SRGN: variants seen among roughly 807,000 people sequenced by gnomAD.
The protein encoded by SRGN is serglycin.
Under a neutral mutation model 9.5 loss-of-function variants are expected in SRGN, and 2 were observed. The ratio of observed to expected loss-of-function variants is 0.21; its 90% CI spans 0.09 to 0.66. The LOEUF is 0.66. SRGN is among the 30% of genes least tolerant of loss of function. The probability of loss-of-function intolerance (pLI) is 0.83; values close to 1 mark genes in which losing one functional copy is unlikely to be tolerated. For missense variants in SRGN, 170 were observed against 192.4 expected (o/e 0.88, Z 0.69); for synonymous variants, 59 against 72.3 (o/e 0.82, Z 0.93).
chr10:69,098,080 A>G (rs1357109387), intron 2 of SRGN, among the ~76,000 whole-genome samples: 1 of 152,070 alleles, frequency 6.6e-6, no homozygotes, highest in Non-Finnish European at 1.5e-5. Flanking sequence ...TTTTTTGTGG[A>G]TGGTAGAGAG....
Position 69,096,943 on chromosome 10 carries a change from A to G in SRGN, c.80-141A>G. 3 of 682,476 alleles carry G rather than the reference A, an allele frequency of 4.4e-6. No homozygotes were observed. The South Asian group carries it at 9.1e-5, about 21-fold the overall frequency. 42.3% of individuals were successfully genotyped at this position (682,476 alleles called of 1,614,324 possible). A position where few individuals can be genotyped will look rare whatever the true frequency, so the allele number is the denominator to read the frequency against. On this transcript the variant is annotated intron_variant, in intron 1 of 2. Transcript: ENST00000242465. ...CAGGAGTTCAAGGTTGCAGTGAGCTATGATCACAGTACTGCACTCCAGCTT... is the reference window on the plus strand; with the variant it reads ...CAGGAGTTCAAGGTTGCAGTGAGCTGTGATCACAGTACTGCACTCCAGCTT...
intron 2 of SRGN, 66 bp from the exon 3 acceptor site, chr10:69,103,805 T>C (rs1236638878): frequency 6.5e-7 from 1 of 1,537,380 alleles, no homozygotes; most frequent in East Asian, 2.3e-5. Context: ...AAAAAAACTA[T>C]TATAATTATC....
rs765360321 is a variant in SRGN, at chr10:69,104,016, G to A, written c.373G>A (p.Glu125Lys). ...EMEQDYQLVD[E>K]SDAFHDNLRS... ...GGAACAGGATTACCAACTAGTAGAC[G>A]AAAGTGATGCTTTCCATGACAACCT... is the stretch of plus-strand genomic sequence containing the variant. Residue 125 changes from glutamate to lysine, a missense_variant, in exon 3 of 3, where the codon GAA becomes AAA. By Grantham distance (56) the Glu-to-Lys change is moderately conservative. Coordinates refer to ENST00000242465, the MANE Select transcript of SRGN (RefSeq NM_002727.4). 4.5e-5 allele frequency: 72 copies of A among 1,614,100 alleles called. No individual in the cohort carries two copies. The highest frequency in any genetic ancestry group is 1.9e-4 in the South Asian group (17 of 91,090).
Position 69,097,110 on chromosome 10 carries a change from C to G in SRGN, c.106C>G (p.Gln36Glu). Residue 36 changes from glutamine (Q) to glutamate (E), a missense_variant, in exon 2 of 3, where the codon CAA becomes GAA. Physicochemically the swap from Gln to Glu is conservative, Grantham distance 29 (BLOSUM62 2). Coordinates refer to ENST00000242465, the MANE Select transcript of SRGN (RefSeq NM_002727.4). ...TTATCCTACGCGGAGAGCCAGGTAC[C>G]AATGGGTGCGCTGCAATCCAGACAG... The part of the protein sequence containing the change: ...QGYPTRRARY[Q>E]WVRCNPDSNS... 6.2e-7 allele frequency: 1 copy of G among 1,614,040 alleles called. No homozygotes were observed. Among genetic ancestry groups the G allele is most frequent in the South Asian group, 1.1e-5 (1 of 91,078 alleles).
At chr10:69,103,021 C>T (rs942291643) in intron 2 of SRGN, among the ~76,000 whole-genome samples, 2 of 151,922 alleles carry the variant, frequency 1.3e-5, no homozygotes, top group African/African-American at 4.8e-5. Flanking sequence ...CTCACTGCAA[C>T]CTCCGCCTCC....
At chr10:69,101,863 C>T (rs1188211480) in intron 2 of SRGN, among the ~76,000 whole-genome samples, 1 of 152,124 alleles carries the variant, frequency 6.6e-6, no homozygotes, top group Non-Finnish European at 1.5e-5. Flanking sequence ...CCTGCCTGGG[C>T]AACATAGTGA....
chr10:69,101,102 C>T (rs967947059), intron 2 of SRGN, among the ~76,000 whole-genome samples: 1 of 151,638 alleles, frequency 6.6e-6, no homozygotes, highest in African/African-American at 2.4e-5. Flanking sequence ...CCTGCCTCAG[C>T]CTCCAGGGTG....
intron 2 of SRGN, 76 bp from the exon 3 acceptor site, chr10:69,103,794 TA>T (rs983536324): frequency 2.0e-6 from 3 of 1,486,914 alleles, no homozygotes; most frequent in African/African-American, 1.4e-5. Context: ...CTCCTTATAT[TA>T]AAAAAACTAT....
intron 2 of SRGN, among the ~76,000 whole-genome samples, chr10:69,102,405 A>G (rs1840312443): frequency 6.6e-6 from 1 of 152,170 alleles, no homozygotes; most frequent in African/African-American, 2.4e-5. Flanking sequence ...TGTCTTCCCC[A>G]CTAAAATAAA....
chr10:69,092,628 T>C (rs1840087637), intron 1 of SRGN, among the ~76,000 whole-genome samples: 1 of 152,098 alleles, frequency 6.6e-6, no homozygotes, highest in Non-Finnish European at 1.5e-5. Flanking sequence ...AACTTGTCTC[T>C]ACTAAAAATA....
intron 2 of SRGN, among the ~76,000 whole-genome samples, 195 bp downstream of exon 2, chr10:69,097,426 A>ATTTTTTTTT (rs1564660966): frequency 2.6e-5 from 1 of 38,546 alleles, no homozygotes. Flanking sequence ...ATGCCCAGCT[A>ATTTTTTTTT]ATTTTTTTTT....
At position 69,097,148 on chromosome 10, in the gene SRGN, C is replaced by A. The variant is rs753304863; in HGVS notation, c.144C>A (p.Asn48Lys). ...GCAATCCAGACAGTAATTCTGCAAACTGCCTTGAAGAAAAAGGACCAATGT... is the reference window on the plus strand; with the variant it reads ...GCAATCCAGACAGTAATTCTGCAAAATGCCTTGAAGAAAAAGGACCAATGT... Reference protein sequence around the residue: ...VRCNPDSNSANCLEEKGPMFE... With the variant: ...VRCNPDSNSAKCLEEKGPMFE... Residue 48 changes from asparagine to lysine, a missense_variant, in exon 2 of 3, where the codon AAC becomes AAA. Asn to Lys is a moderately conservative substitution (Grantham distance 94, BLOSUM62 0). Coordinates refer to ENST00000242465, the MANE Select transcript of SRGN (RefSeq NM_002727.4). 4 of 1,614,094 alleles carry A rather than the reference C, an allele frequency of 2.5e-6. No homozygotes were observed. In the Admixed American group the frequency reaches 6.7e-5, roughly 27 times the overall value.
At chr10:69,098,249 G>T (rs757989005) in intron 2 of SRGN, among the ~76,000 whole-genome samples, 2 of 152,184 alleles carry the variant, frequency 1.3e-5, no homozygotes, top group African/African-American at 4.8e-5. Flanking sequence ...GTCATAAAAA[G>T]AATGAAGTAC....
intron 1 of SRGN, among the ~76,000 whole-genome samples, chr10:69,093,669 AG>A (rs1840112855): frequency 6.6e-6 from 1 of 152,084 alleles, no homozygotes; most frequent in African/African-American, 2.4e-5. Context: ...CGAGGTCAGG[AG>A]ATCGAGACCT....
At chr10:69,102,400 T>TC (rs1212035589) in intron 2 of SRGN, among the ~76,000 whole-genome samples, 3 of 152,322 alleles carry the variant, frequency 2.0e-5, no homozygotes, top group Non-Finnish European at 2.9e-5. Context: ...TTGTCTGTCT[T>TC]CCCCACTAAA....
At chr10:69,100,068 A>C (rs1310329994) in intron 2 of SRGN, among the ~76,000 whole-genome samples, 2 of 152,150 alleles carry the variant, frequency 1.3e-5, no homozygotes, top group Non-Finnish European at 2.9e-5. Context: ...TAAAAATACA[A>C]AAATTAGCTG....
At position 69,103,882 on chromosome 10, in the gene SRGN, T is replaced by C. The variant is rs1840339602; in HGVS notation, c.239T>C (p.Ile80Thr). 1 of 1,613,928 alleles carries C rather than the reference T, an allele frequency of 6.2e-7. No homozygotes were observed. The highest frequency in any genetic ancestry group is 1.1e-5 in the South Asian group (1 of 91,066). Reference sequence around the variant, plus strand: ...CTTTCATACTTCAGAAAGACGAGAATCCAGGACTTGAATCGTATCTTCCCA... The same window carrying C: ...CTTTCATACTTCAGAAAGACGAGAACCCAGGACTTGAATCGTATCTTCCCA... ...LRTDLFPKTR[I>T]QDLNRIFPLS... Residue 80 changes from isoleucine to threonine, a missense_variant, in exon 3 of 3, where the codon ATC (isoleucine) becomes ACC (threonine). Physicochemically the swap from Ile to Thr is moderately conservative, Grantham distance 89. Transcript: ENST00000242465.
intron 2 of SRGN, among the ~76,000 whole-genome samples, chr10:69,097,526 A>G (rs1196439977): frequency 6.7e-6 from 1 of 148,896 alleles, no homozygotes; most frequent in Non-Finnish European, 1.5e-5. Flanking sequence ...TCCTGGGTTC[A>G]CGCCATTCTC....
intron 2 of SRGN, among the ~76,000 whole-genome samples, chr10:69,099,714 T>C (rs973476970): frequency 1.4e-4 from 21 of 152,360 alleles, no homozygotes; most frequent in African/African-American, 4.8e-4. Context: ...TACTCTTGCA[T>C]TCTTACTTTA....
Sources: gnomAD v4.1 joint callset for allele counts (sites outside exome capture counted in the v4.1 genomes callset) on GRCh38, gnomAD v4.1.1 for gene constraint, MANE v1.5 for transcripts, NCBI Gene and HGNC (gene_info 2026-07-23, HGNC 2026-07-21) for gene names.